MYOCOS: variants seen among roughly 807,000 people sequenced by gnomAD.
The protein encoded by MYOCOS is myocilin opposite strand.
chr1:171,604,021 T>A (rs1311008124), intron 1 of MYOCOS: 2 of 152,222 alleles, frequency 1.3e-5, no homozygotes, highest in Non-Finnish European at 2.9e-5. Flanking sequence ...TGCAACACCC[T>A]AACCCCGCCA....
At chr1:171,601,459 T>C (rs1318811156) in intron 1 of MYOCOS, among the ~76,000 whole-genome samples, 1 of 151,226 alleles carries the variant, frequency 6.6e-6, no homozygotes, top group East Asian at 1.9e-4. Flanking sequence ...TGAGTGTGTG[T>C]AGTGTGAGCG....
At chr1:171,614,522 G>A (rs538180925) in intron 1 of MYOCOS, among the ~76,000 whole-genome samples, 30 of 152,318 alleles carry the variant, frequency 2.0e-4, no homozygotes, top group Middle Eastern at 6.8e-3. Context: ...CCAGTTGTGG[G>A]CAAGTCATTT....
chr1:171,607,638 A>C (rs986770428), intron 1 of MYOCOS, among the ~76,000 whole-genome samples: 1 of 152,264 alleles, frequency 6.6e-6, no homozygotes, highest in Non-Finnish European at 1.5e-5. Context: ...GCATGTGCCC[A>C]AAGTGAGCTC....
intron 1 of MYOCOS, among the ~76,000 whole-genome samples, chr1:171,605,353 CAAAAACCATATT>C (rs1247998253): frequency 7.6e-6 from 1 of 132,230 alleles, no homozygotes; most frequent in African/African-American, 2.7e-5. Flanking sequence ...TTGCCTAAGA[CAAAAACCATATT>C]AATAGTACCA....
chr1:171,623,655 A>G (rs1046987316), intron 1 of MYOCOS, among the ~76,000 whole-genome samples, 186 bp from the exon 2 acceptor site: 2 of 152,116 alleles, frequency 1.3e-5, no homozygotes, highest in Non-Finnish European at 2.9e-5. Context: ...ACTCCTCATA[A>G]TAGGTATTTG....
chr1:171,606,210 T>A (rs755847084), intron 1 of MYOCOS, among the ~76,000 whole-genome samples: 7 of 152,210 alleles, frequency 4.6e-5, no homozygotes, highest in Non-Finnish European at 8.8e-5. Context: ...AAAAGCTTCA[T>A]CGCTACCTTA....
At chr1:171,612,671 C>CA (rs1032830225) in intron 1 of MYOCOS, among the ~76,000 whole-genome samples, 24 of 150,568 alleles carry the variant, frequency 1.6e-4, no homozygotes, top group Non-Finnish European at 2.5e-4. Flanking sequence ...ACTAAAAATA[C>CA]AAAAAAAAAT....
chr1:171,623,960 G>A lies in MYOCOS; in HGVS notation c.77G>A (p.Arg26Gln), dbSNP rs1024073979. The A allele has an allele frequency of 1.3e-5, 5 of 398,456 alleles. No homozygotes were observed. Among genetic ancestry groups the A allele is most frequent in the Non-Finnish European group, 2.2e-5 (5 of 226,082 alleles). The allele number at this position is 398,456 out of a possible 1,614,324, so 24.7% of individuals were successfully genotyped here. Reference sequence around the variant, plus strand: ...TTGACCTCCGAGGTAACCAGGCGCCGAGTCACCATGATCACAAGGTACCCA... The same window carrying A: ...TTGACCTCCGAGGTAACCAGGCGCCAAGTCACCATGATCACAAGGTACCCA... ...KDLTSEVTRR[R>Q]VTMITRKEII... Residue 26 changes from arginine to glutamine, a missense_variant, in exon 2 of 3, where the codon CGA (arginine) becomes CAA (glutamine). By Grantham distance (43) the Arg-to-Gln change is conservative. Coordinates refer to ENST00000637642, the MANE Select transcript of MYOCOS (RefSeq NM_001391940.1).
chr1:171,621,665 G>A (rs1230508846), upstream of MYOCOS, among the ~76,000 whole-genome samples: 1 of 152,014 alleles, frequency 6.6e-6, no homozygotes, highest in South Asian at 2.1e-4. Flanking sequence ...ATGAGCCACC[G>A]CGCCTGGCCT....
chr1:171,603,159 A>G (rs2102931167), intron 1 of MYOCOS, among the ~76,000 whole-genome samples: 1 of 152,292 alleles, frequency 6.6e-6, no homozygotes, highest in Middle Eastern at 3.4e-3. Context: ...GTCTCCCAAC[A>G]CTAAGTTCAC....
At chr1:171,615,208 C>T (rs1652424561) in intron 2 of MYOCOS, among the ~76,000 whole-genome samples, 1 of 152,182 alleles carries the variant, frequency 6.6e-6, no homozygotes, top group Admixed American at 6.5e-5. Context: ...GAAAGAGTGA[C>T]CAGGATGAAA....
chr1:171,619,109 C>T (rs575713565), upstream of MYOCOS, among the ~76,000 whole-genome samples: 1 of 152,164 alleles, frequency 6.6e-6, no homozygotes, highest in Admixed American at 6.5e-5. Context: ...TTATTTTACC[C>T]ATATATGTAT....
intron 2 of MYOCOS, among the ~76,000 whole-genome samples, chr1:171,616,203 G>C (rs1415117991): frequency 6.7e-6 from 1 of 150,104 alleles, no homozygotes; most frequent in East Asian, 2.0e-4. Context: ...GGTGACAAGA[G>C]CGAAACTCCA....
intron 1 of MYOCOS, among the ~76,000 whole-genome samples, chr1:171,605,407 A>G (rs1373427010): frequency 6.6e-6 from 1 of 151,904 alleles, no homozygotes; most frequent in South Asian, 2.1e-4. Context: ...AAAAAAAAAA[A>G]CAGTTACATG....
intron 1 of MYOCOS, among the ~76,000 whole-genome samples, chr1:171,606,716 G>T (rs192205816): frequency 6.6e-6 from 1 of 152,178 alleles, no homozygotes; most frequent in Non-Finnish European, 1.5e-5. Flanking sequence ...TTGTGCACTC[G>T]AGGAGCTCAG....
chr1:171,620,773 C>CTTT (rs34455235), upstream of MYOCOS, among the ~76,000 whole-genome samples: 3,891 of 127,140 alleles, frequency 0.031, 145 homozygotes, highest in East Asian at 0.079. Flanking sequence ...CTTTTTCTTT[C>CTTT]TTTTTTTTTT....
At chr1:171,617,069 A>G (rs2102936847) in intron 2 of MYOCOS, among the ~76,000 whole-genome samples, 1 of 152,324 alleles carries the variant, frequency 6.6e-6, no homozygotes, top group South Asian at 2.1e-4. Flanking sequence ...GAAAGAGTTA[A>G]GCTGCTGACC....
intron 1 of MYOCOS, among the ~76,000 whole-genome samples, chr1:171,605,801 T>C (rs1287052255): frequency 3.3e-5 from 5 of 152,192 alleles, no homozygotes; most frequent in Non-Finnish European, 5.9e-5. Flanking sequence ...CCCATCTACA[T>C]GCTCAACCGA....
intron 1 of MYOCOS, among the ~76,000 whole-genome samples, chr1:171,601,715 G>A (rs929938519): frequency 6.6e-6 from 1 of 152,068 alleles, no homozygotes; most frequent in African/African-American, 2.4e-5. Context: ...GTAAGCCAAG[G>A]CACCCAGACC....
Sources: gnomAD v4.1 joint callset for allele counts (sites outside exome capture counted in the v4.1 genomes callset) on GRCh38, gnomAD v4.1.1 for gene constraint, MANE v1.5 for transcripts, NCBI Gene and HGNC (gene_info 2026-07-23, HGNC 2026-07-21) for gene names.